Variants in DIAPH3 observed in about 807,000 individuals in gnomAD.
DIAPH3 encodes the protein protein diaphanous homolog 3.
A neutral mutation model predicts 144.3 loss-of-function variants in DIAPH3; 117 were observed. That is an observed-to-expected ratio of 0.81 (90% CI 0.70 to 0.95). DIAPH3 has a LOEUF of 0.95. Among genes scored for constraint, DIAPH3 ranks in the 40% least tolerant of loss-of-function variants. The pLI is 0.00. For missense variants in DIAPH3, 1,421 were observed against 1,412.7 expected (o/e 1.01, Z -0.09); for synonymous variants, 519 against 488.9 (o/e 1.06, Z -0.81).
Position 60,079,571 on chromosome 13 carries a change from T to TA in DIAPH3, c.495+14056dup, listed in dbSNP as rs547545970. ...TATACATCTCCTATAAGTCTAAACT[T>TA]AGATTGCTTTACGAGTATAAATTAT... On this transcript the variant is annotated intron_variant, in intron 4 of 27. Transcript: ENST00000400324. Among the ~76,000 whole-genome samples the TA allele has an allele frequency of 1.8e-4, 27 of 152,060 alleles. 1 individual carries two copies. In the South Asian group the frequency reaches 5.6e-3, roughly 32 times the overall value.
rs1455495151 is a variant in DIAPH3 at position 59,756,416 on chromosome 13, GGAAGGAAGGAAGGAAGGAAGGAAGGAAA to G, written c.3319+17745_3319+17772del. On this transcript the variant is annotated intron_variant, in intron 27 of 27. Coordinates refer to ENST00000400324, the MANE Select transcript of DIAPH3 (RefSeq NM_001042517.2). ...ATGTGGTAAATTTAGTAAAAAGGAA[GGAAGGAAGGAAGGAAGGAAGGAAGGAAA>G]GAAGGAAGGAAGGAAGGAAGGAAAG... Among the ~76,000 whole-genome samples, 19 of 130,260 alleles carry G rather than the reference GGAAGGAAGGAAGGAAGGAAGGAAGGAAA, an allele frequency of 1.5e-4. No individual in the cohort carries two copies. In the East Asian group the frequency reaches 3.6e-3, roughly 25 times the overall value. The allele number at this position is 130,260 out of a possible 152,430, so 85.5% of individuals were successfully genotyped here. A position where few individuals can be genotyped will look rare whatever the true frequency, so the allele number is the denominator to read the frequency against.
chr13:59,931,401 A>C (rs2048009764), intron 17 of DIAPH3, among the ~76,000 whole-genome samples: 1 of 152,188 alleles, frequency 6.6e-6, no homozygotes, highest in African/African-American at 2.4e-5. Flanking sequence ...TTAGTGGCAA[A>C]GCCTTCCCTT....
intron 27 of DIAPH3, among the ~76,000 whole-genome samples, chr13:59,682,045 T>A (rs1476367240): frequency 6.6e-6 from 1 of 152,170 alleles, no homozygotes; most frequent in Non-Finnish European, 1.5e-5. Flanking sequence ...GAACCAGGAA[T>A]GTTAATTTCC....
At chr13:59,738,960 T>G (rs1435842640) in intron 27 of DIAPH3, among the ~76,000 whole-genome samples, 1 of 152,188 alleles carries the variant, frequency 6.6e-6, no homozygotes, top group East Asian at 1.9e-4. Context: ...CTTTGCTTCC[T>G]TTTTTTCCCC....
At chr13:60,146,792 A>G (rs1951544941) in intron 1 of DIAPH3, among the ~76,000 whole-genome samples, 1 of 152,194 alleles carries the variant, frequency 6.6e-6, no homozygotes, top group South Asian at 2.1e-4. Context: ...CACCATTCAA[A>G]CACACTAATA....
intron 14 of DIAPH3, 38 bp downstream of exon 14, chr13:59,980,757 C>T (rs764551796): frequency 3.9e-6 from 6 of 1,552,426 alleles, no homozygotes; most frequent in Non-Finnish European, 4.4e-6. Flanking sequence ...TGCAGTGGTT[C>T]CCCACAGAAT....
chr13:59,990,592 A>G (rs1458197064), intron 12 of DIAPH3, among the ~76,000 whole-genome samples: 1 of 151,894 alleles, frequency 6.6e-6, no homozygotes, highest in Non-Finnish European at 1.5e-5. Flanking sequence ...TCTGCCTAAC[A>G]ACCCAGTGAG....
chr13:59,711,106 G>T (rs866288313), intron 27 of DIAPH3, among the ~76,000 whole-genome samples: 1 of 152,294 alleles, frequency 6.6e-6, no homozygotes, highest in South Asian at 2.1e-4. Flanking sequence ...TTAGATAATT[G>T]TTGTGTACTT....
intron 1 of DIAPH3, among the ~76,000 whole-genome samples, chr13:60,145,585 C>A (rs1023473079): frequency 5.9e-5 from 9 of 152,190 alleles, no homozygotes; most frequent in Admixed American, 2.6e-4. Flanking sequence ...AGAGGCGGAG[C>A]TTGCAGTGAG....
intron 21 of DIAPH3, among the ~76,000 whole-genome samples, chr13:59,877,166 C>G (rs1566452921): frequency 1.3e-5 from 2 of 152,002 alleles, no homozygotes; most frequent in African/African-American, 2.4e-5. Context: ...CTGAGGTAAA[C>G]AAGAGTAGAA....
intron 27 of DIAPH3, among the ~76,000 whole-genome samples, chr13:59,763,178 T>C (rs2037691132): frequency 6.6e-6 from 1 of 152,174 alleles, no homozygotes; most frequent in Non-Finnish European, 1.5e-5. Context: ...CAAGGGATCC[T>C]TGTTTCCTAA....
chr13:60,163,112 C>CT (rs1305582138), intron 1 of DIAPH3, among the ~76,000 whole-genome samples: 3 of 152,164 alleles, frequency 2.0e-5, no homozygotes, highest in Non-Finnish European at 4.4e-5. Context: ...GCAAAACATT[C>CT]TTTAGCAGTG....
intron 27 of DIAPH3, among the ~76,000 whole-genome samples, chr13:59,743,482 G>A (rs944062047): frequency 6.6e-6 from 1 of 152,112 alleles, no homozygotes; most frequent in Non-Finnish European, 1.5e-5. Context: ...ACCTTGTTGG[G>A]GGTGGATGAC....
At chr13:60,124,821 C>T (rs550754103) in intron 2 of DIAPH3, among the ~76,000 whole-genome samples, 3 of 151,202 alleles carry the variant, frequency 2.0e-5, no homozygotes, top group Non-Finnish European at 4.4e-5. Context: ...GGTGACAAAG[C>T]GAGACCCTGT....
At chr13:59,871,256 TG>T (rs1228414087) in intron 21 of DIAPH3, among the ~76,000 whole-genome samples, 6 of 151,902 alleles carry the variant, frequency 3.9e-5, no homozygotes, top group Non-Finnish European at 7.4e-5. Flanking sequence ...GAAAGAGTTT[TG>T]TTTATTCTGC....
At chr13:59,772,562 A>G (rs2038177121) in intron 27 of DIAPH3, among the ~76,000 whole-genome samples, 1 of 152,116 alleles carries the variant, frequency 6.6e-6, no homozygotes, top group Non-Finnish European at 1.5e-5. Flanking sequence ...AAACAGAAAC[A>G]TTATGATTTA....
At chr13:59,918,121 G>A (rs1481080289) in intron 18 of DIAPH3, among the ~76,000 whole-genome samples, 1 of 146,012 alleles carries the variant, frequency 6.8e-6, no homozygotes, top group East Asian at 2.0e-4. Context: ...ACCTGGTATA[G>A]ACTAATACTA....
At chr13:60,045,872 CAA>C (rs2056035383) in intron 4 of DIAPH3, among the ~76,000 whole-genome samples, 1 of 152,060 alleles carries the variant, frequency 6.6e-6, no homozygotes, top group Non-Finnish European at 1.5e-5. Flanking sequence ...TGGATAAGAA[CAA>C]AAGTGATATT....
At chr13:59,965,793 C>A (rs2050013015) in intron 17 of DIAPH3, among the ~76,000 whole-genome samples, 1 of 152,016 alleles carries the variant, frequency 6.6e-6, no homozygotes, top group Admixed American at 6.6e-5. Flanking sequence ...AATGTAAAAG[C>A]AACATGAGTA....
Sources: allele counts gnomAD v4.1 joint callset (sites outside exome capture counted in the v4.1 genomes callset), GRCh38; gene constraint gnomAD v4.1.1; transcripts MANE v1.5; gene names NCBI Gene and HGNC (gene_info 2026-07-23, HGNC 2026-07-21).